Variants in DGKI observed in about 807,000 individuals in gnomAD.
DGKI encodes diacylglycerol kinase iota, also known as DAG kinase iota.
A neutral mutation model predicts 147.5 loss-of-function variants in DGKI; 55 were observed. That is an observed-to-expected ratio of 0.37 (90% CI 0.30 to 0.47). The LOEUF (loss-of-function observed/expected upper bound fraction) is 0.47. Ranked by LOEUF, DGKI falls within the 20% of genes least tolerant of loss-of-function variation. The pLI, the probability that DGKI is intolerant of heterozygous loss-of-function variation, is 1.00. For missense variants in DGKI, 1,007 were observed against 1,323.8 expected, an observed-to-expected ratio of 0.76 and a Z score of 3.71; for synonymous variants, 469 against 477.1, an observed-to-expected ratio of 0.98 and a Z score of 0.22.
At chr7:137,502,063 C>G (rs1374608868) in intron 21 of DGKI, among the ~76,000 whole-genome samples, 5 of 152,192 alleles carry the variant, frequency 3.3e-5, no homozygotes, top group African/African-American at 4.8e-5. Flanking sequence ...TTGCCTTCCC[C>G]CATGATTGTG....
At chr7:137,690,368 C>T (rs1333701404) in intron 1 of DGKI, among the ~76,000 whole-genome samples, 5 of 152,140 alleles carry the variant, frequency 3.3e-5, no homozygotes, top group South Asian at 2.1e-4. Flanking sequence ...AGATTGCCAG[C>T]GACTAAAAGC....
intron 1 of DGKI, among the ~76,000 whole-genome samples, chr7:137,798,206 G>T (rs556403684): frequency 9.9e-5 from 15 of 152,220 alleles, no homozygotes; most frequent in African/African-American, 3.4e-4. Context: ...AATTTTAAAA[G>T]TTCTCACAAT....
chr7:137,550,655 G>A (rs1818014705), intron 20 of DGKI, among the ~76,000 whole-genome samples: 2 of 152,096 alleles, frequency 1.3e-5, no homozygotes, highest in African/African-American at 2.4e-5. Flanking sequence ...GAGCAAATAC[G>A]AATTCTCAAC....
intron 1 of DGKI, among the ~76,000 whole-genome samples, chr7:137,795,609 C>T (rs1340061417): frequency 6.6e-6 from 1 of 152,114 alleles, no homozygotes; most frequent in Non-Finnish European, 1.5e-5. Context: ...GAGAAGTCCA[C>T]GGGAGCTTTG....
chr7:137,767,471 G>GAAGA (rs1796046296), intron 1 of DGKI, among the ~76,000 whole-genome samples: 5 of 89,616 alleles, frequency 5.6e-5, no homozygotes, highest in African/African-American at 5.0e-5. Flanking sequence ...AGAAGAGAAG[G>GAAGA]GAAGAGAAGA....
intron 11 of DGKI, 147 bp downstream of exon 11, chr7:137,599,676 G>T: frequency 1.6e-6 from 1 of 634,856 alleles, no homozygotes; most frequent in Non-Finnish European, 2.7e-6. Flanking sequence ...GAGAACTTTG[G>T]ATGAAGTTTT....
intron 1 of DGKI, among the ~76,000 whole-genome samples, chr7:137,762,020 T>C (rs891774580): frequency 6.6e-6 from 1 of 152,210 alleles, no homozygotes; most frequent in African/African-American, 2.4e-5. Flanking sequence ...TCAGTCTCTC[T>C]CAAGCCAACA....
chr7:137,418,793 G>A (rs1731976), intron 28 of DGKI, among the ~76,000 whole-genome samples: 80,674 of 152,062 alleles, frequency 0.53, 22,565 homozygotes, highest in Non-Finnish European at 0.63. Flanking sequence ...TTGAAAAGAC[G>A]TAGGGAAAAA....
chr7:137,799,000 G>A (rs530116391), intron 1 of DGKI, among the ~76,000 whole-genome samples: 11 of 151,948 alleles, frequency 7.2e-5, no homozygotes, highest in Non-Finnish European at 1.3e-4. Context: ...ATAAGGGAAC[G>A]TCCTCAACCT....
At chr7:137,479,649 T>C (rs185173785) in intron 23 of DGKI, among the ~76,000 whole-genome samples, 33 of 152,332 alleles carry the variant, frequency 2.2e-4, no homozygotes, top group African/African-American at 7.7e-4. Flanking sequence ...GCCTTCAATG[T>C]GAATGAAATT....
intron 1 of DGKI, among the ~76,000 whole-genome samples, chr7:137,713,451 C>T (rs1277706813): frequency 6.6e-6 from 1 of 152,168 alleles, no homozygotes; most frequent in Non-Finnish European, 1.5e-5. Flanking sequence ...AAAGCTATCA[C>T]TATAATAACC....
At chr7:137,751,690 T>C (rs758431972) in intron 1 of DGKI, among the ~76,000 whole-genome samples, 7 of 152,170 alleles carry the variant, frequency 4.6e-5, no homozygotes, top group Non-Finnish European at 8.8e-5. Flanking sequence ...GGCCAAATAC[T>C]AAATATTTTA....
chr7:137,648,037 C>T (rs1172286299), intron 5 of DGKI, among the ~76,000 whole-genome samples: 1 of 149,130 alleles, frequency 6.7e-6, no homozygotes, highest in African/African-American at 2.6e-5. Flanking sequence ...CTCTGTTCTG[C>T]AAAACAGGGC....
chr7:137,411,338 A>G (rs1403830944), intron 29 of DGKI, among the ~76,000 whole-genome samples: 1 of 152,184 alleles, frequency 6.6e-6, no homozygotes, highest in Non-Finnish European at 1.5e-5. Flanking sequence ...TATAACAAAT[A>G]TTTGTATTTC....
At chr7:137,762,805 C>T (rs1221578693) in intron 1 of DGKI, among the ~76,000 whole-genome samples, 1 of 152,164 alleles carries the variant, frequency 6.6e-6, no homozygotes, top group Non-Finnish European at 1.5e-5. Context: ...ATACGTCTGC[C>T]TCCTGCTCTC....
chr7:137,382,968 A>G lies in DGKI; in HGVS notation c.*8252T>C, dbSNP rs1411951005. 6 of 151,970 alleles carry G rather than the reference A, an allele frequency of 3.9e-5. No homozygotes were observed. The highest frequency in any genetic ancestry group is 1.5e-5 in the Non-Finnish European group (1 of 67,942). The allele number at this position is 151,970 out of a possible 1,614,324, so 9.4% of individuals were successfully genotyped here. A position where few individuals can be genotyped will look rare whatever the true frequency, so the allele number is the denominator to read the frequency against. ...AGAAATATGACAGAAACATTAGTCT[A>G]CTGATATGGGGTTAAGTCTTGTTTC... On this transcript the variant is annotated 3_prime_UTR_variant, in exon 33 of 33. Coordinates refer to ENST00000614521, the MANE Select transcript of DGKI (RefSeq NM_001321708.2).
intron 21 of DGKI, among the ~76,000 whole-genome samples, chr7:137,506,817 AG>A (rs1816384876): frequency 6.6e-6 from 1 of 152,226 alleles, no homozygotes. Context: ...AAAAATCAAG[AG>A]AAAAAGAAAA....
intron 21 of DGKI, among the ~76,000 whole-genome samples, chr7:137,496,679 G>A (rs961128551): frequency 2.0e-5 from 3 of 151,988 alleles, no homozygotes; most frequent in African/African-American, 4.8e-5. Context: ...CAACAAAGTC[G>A]ATAAAAACAA....
chr7:137,609,716 G>A, intron 8 of DGKI, 107 bp from the exon 9 acceptor site: 1 of 698,094 alleles, frequency 1.4e-6, no homozygotes. Flanking sequence ...TCCACTGCAT[G>A]CTTCTCATGC....
Sources: allele counts gnomAD v4.1 joint callset (sites outside exome capture counted in the v4.1 genomes callset), GRCh38; gene constraint gnomAD v4.1.1; transcripts MANE v1.5; gene names NCBI Gene and HGNC (gene_info 2026-07-23, HGNC 2026-07-21).